The following SLC28A1 variants were observed in gnomAD, a reference collection of about 807,000 sequenced individuals.
SLC28A1 encodes the protein sodium/nucleoside cotransporter 1.
SLC28A1 carries 64 observed loss-of-function variants against 74.8 expected under a neutral mutation model. The ratio of observed to expected loss-of-function variants is 0.86; its 90% CI spans 0.70 to 1.05. The LOEUF is 1.05. Among genes scored for constraint, SLC28A1 ranks in the 50% least tolerant of loss-of-function variants. SLC28A1 has a pLI of 0.00. For synonymous variants in SLC28A1, 359 were observed against 335.0 expected (o/e 1.07, Z -0.78); for missense variants, 828 against 822.8 (o/e 1.01, Z -0.08).
rs186155620 is a variant in SLC28A1 at position 84,901,149 on chromosome 15, G to A, written c.462-2948G>A. Among the ~76,000 whole-genome samples, 551 of 152,266 alleles carry A rather than the reference G, an allele frequency of 3.6e-3. 3 individuals carry two copies. The highest frequency in any genetic ancestry group is 6.8e-3 in the Middle Eastern group (2 of 294). ...AGGCAGAAGAATCGCTTGAACGTGG[G>A]AGGCAGAGCCACGGTGCCTGGCCTT... On this transcript the variant is annotated intron_variant, in intron 6 of 18. Coordinates refer to ENST00000394573, the MANE Select transcript of SLC28A1 (RefSeq NM_004213.5).
intron 15 of SLC28A1, among the ~76,000 whole-genome samples, chr15:84,940,291 C>G (rs1972503416): frequency 6.6e-6 from 1 of 152,066 alleles, no homozygotes. Flanking sequence ...CATACTGCAC[C>G]AGGCAAGGTT....
intron 15 of SLC28A1, among the ~76,000 whole-genome samples, chr15:84,936,807 C>T (rs1193582504): frequency 1.3e-5 from 2 of 152,034 alleles, no homozygotes; most frequent in Non-Finnish European, 1.5e-5. Flanking sequence ...ATTCCCAGCA[C>T]TTTGGGAGGT....
At chr15:84,917,060 C>T (rs1489481926) in intron 9 of SLC28A1, among the ~76,000 whole-genome samples, 1 of 143,476 alleles carries the variant, frequency 7.0e-6, no homozygotes, top group African/African-American at 2.6e-5. Flanking sequence ...AAGGTAGGAA[C>T]AGATGAGAAA....
At chr15:84,918,288 G>A (rs1463454649) in intron 9 of SLC28A1, among the ~76,000 whole-genome samples, 3 of 152,120 alleles carry the variant, frequency 2.0e-5, no homozygotes, top group South Asian at 4.1e-4. Flanking sequence ...GGGTGGTCTG[G>A]CGGCTGGTCA....
chr15:84,906,796 C>G (rs117246705), intron 8 of SLC28A1, among the ~76,000 whole-genome samples: 1,593 of 152,052 alleles, frequency 0.01, 18 homozygotes, highest in Non-Finnish European at 0.018. Context: ...ATAAAATCAA[C>G]CATTTTAACC....
intron 9 of SLC28A1, among the ~76,000 whole-genome samples, chr15:84,912,078 C>T (rs1234315998): frequency 6.6e-6 from 1 of 152,116 alleles, no homozygotes; most frequent in African/African-American, 2.4e-5. Flanking sequence ...GGCTGATGCA[C>T]CATCCATAGC....
At chr15:84,887,939 T>C in intron 3 of SLC28A1, 83 bp downstream of exon 3, 2 of 970,230 alleles carry the variant, frequency 2.1e-6, no homozygotes, top group Non-Finnish European at 3.4e-6. Flanking sequence ...AGGCTTTTGC[T>C]CACCACCTTC....
At position 84,890,465 on chromosome 15, in the gene SLC28A1, A is replaced by G; in HGVS notation, c.208A>G (p.Arg70Gly). 1 of 1,610,132 alleles carries G rather than the reference A, an allele frequency of 6.2e-7. No homozygotes were observed. The highest frequency in any genetic ancestry group is 8.5e-7 in the Non-Finnish European group (1 of 1,179,256). Reference protein sequence around the residue: ...SRWRNLQPALRARSFCREHMQ... With the variant: ...SRWRNLQPALGARSFCREHMQ... ...CAGGAGGAACCTGCAGCCAGCCCTG[A>G]GAGCCAGAAGCTTCTGCAGGGAGCA... The change falls in exon 5 of 19, where the codon AGA becomes GGA. Residue 70 changes from arginine (R) to glycine (G), a missense_variant. By Grantham distance (125) the Arg-to-Gly change is moderately radical. Coordinates refer to ENST00000394573, the MANE Select transcript of SLC28A1 (RefSeq NM_004213.5).
Position 84,945,304 on chromosome 15 carries a change from G to C in SLC28A1, c.*104G>C. On this transcript the variant is annotated 3_prime_UTR_variant, in exon 19 of 19. Coordinates refer to ENST00000394573, the MANE Select transcript of SLC28A1 (RefSeq NM_004213.5). ...CAGAGCCCTCTTCAGGGAAGCCACA[G>C]GACTTAGACCCAGCTCAATCCCACA... The C allele has an allele frequency of 9.5e-7, 1 of 1,053,170 alleles. No individual in the cohort carries two copies. The highest frequency in any genetic ancestry group is 1.5e-6 in the Non-Finnish European group (1 of 683,158). The allele number at this position is 1,053,170 out of a possible 1,614,324, so 65.2% of individuals were successfully genotyped here. A position where few individuals can be genotyped will look rare whatever the true frequency, so the allele number is the denominator to read the frequency against.
At chr15:84,946,215 A>G (rs1049322668), downstream of SLC28A1, among the ~76,000 whole-genome samples, 2 of 141,922 alleles carry the variant, frequency 1.4e-5, no homozygotes, top group Non-Finnish European at 3.0e-5. Context: ...TTGGCTTCCC[A>G]ATGTGTTGGG....
chr15:84,970,649 G>A, the SLC28A1 span, among the ~76,000 whole-genome samples: 1 of 152,072 alleles, frequency 6.6e-6, no homozygotes, highest in African/African-American at 2.4e-5. Flanking sequence ...ATGGCCTAGA[G>A]CAACTCGAGC....
intron 6 of SLC28A1, among the ~76,000 whole-genome samples, chr15:84,902,191 C>T (rs1027111427): frequency 6.6e-6 from 1 of 152,016 alleles, no homozygotes; most frequent in Non-Finnish European, 1.5e-5. Context: ...CTTAAAAATG[C>T]AAAGTAGGCA....
chr15:84,968,435 C>G, the SLC28A1 span, among the ~76,000 whole-genome samples: 13 of 152,198 alleles, frequency 8.5e-5, no homozygotes, highest in Non-Finnish European at 1.5e-4. Context: ...GGCCTCAGCT[C>G]CTCTCTACAT....
rs1042806315 is a variant in SLC28A1 at position 84,888,990 on chromosome 15, C to CGCTT, written c.185+131_185+134dup. 3 of 697,126 alleles carry CGCTT rather than the reference C, an allele frequency of 4.3e-6. No individual in the cohort carries two copies. The African/African-American group carries it at 5.3e-5, about 12-fold the overall frequency. 43.2% of individuals were successfully genotyped at this position (697,126 alleles called of 1,614,324 possible). ...CCTTTGTTGAAGGGAGGAATAAAGG[C>CGCTT]GCTTTAGCCAACACGCACAGGCACA... On this transcript the variant is annotated intron_variant, in intron 4 of 18. Coordinates refer to ENST00000394573, the MANE Select transcript of SLC28A1 (RefSeq NM_004213.5).
In SLC28A1 at chr15:84,944,605, T is replaced by G. The variant is rs149851374; in HGVS notation, c.1703T>G (p.Ile568Arg). 1 of 1,614,076 alleles carries G rather than the reference T, an allele frequency of 6.2e-7. No individual in the cohort carries two copies. ...VPQRKSDFSQ[I>R]VLRALFTGAC... is the part of the protein sequence containing the mutation. ...CAACGGAAGAGCGACTTCTCCCAGA[T>G]AGTGCTCCGGGCGCTCTTCACGGGA... Residue 568 changes from isoleucine (I) to arginine (R), a missense_variant, in exon 17 of 19, where the codon ATA (isoleucine) becomes AGA (arginine). Physicochemically the swap from Ile to Arg is moderately conservative, Grantham distance 97 (BLOSUM62 -3). This residue lies in a region of SLC28A1 where 767 missense variants were observed against 753.5 expected (regional missense o/e 1.02). Coordinates refer to ENST00000394573, the MANE Select transcript of SLC28A1 (RefSeq NM_004213.5).
At chr15:84,947,313 C>T (rs1218093735), downstream of SLC28A1, among the ~76,000 whole-genome samples, 1 of 152,198 alleles carries the variant, frequency 6.6e-6, no homozygotes, top group Non-Finnish European at 1.5e-5. Context: ...ACAACACAGT[C>T]CTCTCCCAGG....
the SLC28A1 span, among the ~76,000 whole-genome samples, chr15:84,959,026 G>A: frequency 8.5e-3 from 1,262 of 148,954 alleles, 22 homozygotes; most frequent in African/African-American, 0.03. Flanking sequence ...TTTGAACCCA[G>A]GAGGTGGGGG....
the SLC28A1 span, among the ~76,000 whole-genome samples, chr15:84,964,381 G>A: frequency 6.6e-6 from 1 of 152,144 alleles, no homozygotes; most frequent in Non-Finnish European, 1.5e-5. Flanking sequence ...GGCACTCATT[G>A]CCCCAACAGA....
intron 12 of SLC28A1, among the ~76,000 whole-genome samples, chr15:84,931,608 C>T (rs1433046176): frequency 8.7e-4 from 101 of 115,904 alleles, no homozygotes; most frequent in African/African-American, 3.1e-3. Context: ...GCCAAGATGG[C>T]GCCACTACAC....
Sources: gnomAD v4.1 joint callset for allele counts (sites outside exome capture counted in the v4.1 genomes callset) on GRCh38, gnomAD v4.1.1 for gene constraint, gnomAD v4.1.1 regional missense constraint, MANE v1.5 for transcripts, NCBI Gene and HGNC (gene_info 2026-07-23, HGNC 2026-07-21) for gene names.